The following ZNG1F variants were observed in gnomAD, a reference collection of about 807,000 sequenced individuals.
ZNG1F encodes the protein zinc-regulated GTPase metalloprotein activator 1F.
chr9:41,151,591 C>G, the ZNG1F span, among the ~76,000 whole-genome samples: 1 of 150,296 alleles, frequency 6.7e-6, no homozygotes, highest in South Asian at 2.1e-4. Flanking sequence ...ATGTTAAGGG[C>G]AGCCAGAGAG....
At chr9:41,156,073 A>G in the ZNG1F span, among the ~76,000 whole-genome samples, 3 of 125,036 alleles carry the variant, frequency 2.4e-5, no homozygotes, top group Non-Finnish European at 1.7e-5. Flanking sequence ...GCTAAGCTAA[A>G]ATTTTCTATG....
the ZNG1F span, among the ~76,000 whole-genome samples, chr9:41,180,048 T>TG: frequency 9.8e-6 from 1 of 101,998 alleles, no homozygotes; most frequent in Non-Finnish European, 1.9e-5. Context: ...GATTATGACT[T>TG]GCTGAAAGCT....
the ZNG1F span, among the ~76,000 whole-genome samples, chr9:41,154,656 G>C: frequency 1.1e-4 from 16 of 147,606 alleles, no homozygotes; most frequent in Non-Finnish European, 1.7e-4. Context: ...CCAAAACAGA[G>C]ATATAGATCA....
the ZNG1F span, among the ~76,000 whole-genome samples, chr9:41,144,788 T>TA: frequency 7.1e-6 from 1 of 140,800 alleles, no homozygotes; most frequent in South Asian, 2.4e-4. Flanking sequence ...CCTAGCATCT[T>TA]AGATATTTAC....
At chr9:41,152,559 GCAC>G in the ZNG1F span, among the ~76,000 whole-genome samples, 33 of 140,912 alleles carry the variant, frequency 2.3e-4, no homozygotes, top group Admixed American at 1.5e-3. Context: ...ATTCTTTTCA[GCAC>G]CACACCACAC....
chr9:41,196,724 A>G, the ZNG1F span, among the ~76,000 whole-genome samples: 250 of 82,024 alleles, frequency 3.0e-3, 3 homozygotes, highest in African/African-American at 8.2e-3. Flanking sequence ...ATATATATAT[A>G]TGTGTGTGTA....
chr9:41,154,871 T>C, the ZNG1F span, among the ~76,000 whole-genome samples: 3 of 149,700 alleles, frequency 2.0e-5, no homozygotes, highest in Non-Finnish European at 4.5e-5. Context: ...GATTAAAGAC[T>C]TAAATGTTAG....
the ZNG1F span, chr9:41,183,715 C>A: frequency 6.2e-7 from 1 of 1,603,752 alleles, no homozygotes; most frequent in Non-Finnish European, 8.5e-7. Flanking sequence ...TGTCCATTAG[C>A]CAACAAAAAA....
At chr9:41,141,201 C>A in the ZNG1F span, among the ~76,000 whole-genome samples, 1 of 151,644 alleles carries the variant, frequency 6.6e-6, no homozygotes, top group Non-Finnish European at 1.5e-5. Context: ...AAACTCTTTT[C>A]ATGTTAGAAA....
the ZNG1F span, among the ~76,000 whole-genome samples, chr9:41,144,403 C>T: frequency 8.8e-6 from 1 of 113,978 alleles, no homozygotes; most frequent in South Asian, 3.4e-4. Context: ...TTTTTTTTAC[C>T]ATAAATTCTA....
the ZNG1F span, chr9:41,183,774 A>G: frequency 6.4e-7 from 1 of 1,566,574 alleles, no homozygotes; most frequent in African/African-American, 1.4e-5. Flanking sequence ...AGAAACTTAT[A>G]TTTTATAACT....
chr9:41,193,986 A>G, the ZNG1F span, among the ~76,000 whole-genome samples: 1 of 145,860 alleles, frequency 6.9e-6, no homozygotes, highest in East Asian at 2.1e-4. Context: ...TTCCAATGGG[A>G]TTAGAGACCA....
At chr9:41,132,197 G>T in the ZNG1F span, 5 of 1,596,058 alleles carry the variant, frequency 3.1e-6, no homozygotes, top group African/African-American at 5.5e-5. Flanking sequence ...TTTTCACTTT[G>T]TTTCAAAACT....
At chr9:41,166,549 T>C in the ZNG1F span, among the ~76,000 whole-genome samples, 1 of 130,844 alleles carries the variant, frequency 7.6e-6, no homozygotes, top group Admixed American at 8.3e-5. Flanking sequence ...TTCCTCAAAA[T>C]TACAGAACTC....
chr9:41,152,446 G>T, the ZNG1F span, among the ~76,000 whole-genome samples: 125 of 146,176 alleles, frequency 8.6e-4, no homozygotes, highest in African/African-American at 3.0e-3. Context: ...AGATCAATGA[G>T]ACAGAAAGTC....
chr9:41,150,883 G>A, the ZNG1F span, among the ~76,000 whole-genome samples: 2 of 143,840 alleles, frequency 1.4e-5, no homozygotes, highest in Non-Finnish European at 3.0e-5. Flanking sequence ...AAAAAACAGA[G>A]CAGAAAAACG....
chr9:41,166,254 A>G, the ZNG1F span, among the ~76,000 whole-genome samples: 3 of 136,662 alleles, frequency 2.2e-5, no homozygotes, highest in African/African-American at 5.6e-5. Flanking sequence ...ATAAAATAAA[A>G]TAAATAAAAT....
At chr9:41,169,441 T>C in the ZNG1F span, among the ~76,000 whole-genome samples, 1 of 147,140 alleles carries the variant, frequency 6.8e-6, no homozygotes, top group Non-Finnish European at 1.5e-5. Context: ...ATGTCCAAAG[T>C]ATTCCTTATC....
the ZNG1F span, among the ~76,000 whole-genome samples, chr9:41,187,548 C>T: frequency 8.1e-5 from 12 of 148,512 alleles, 1 homozygote; most frequent in Non-Finnish European, 4.5e-5. Flanking sequence ...CCCATAGGGA[C>T]GCCACTGAAA....
Sources: gnomAD v4.1 joint callset for allele counts (sites outside exome capture counted in the v4.1 genomes callset) on GRCh38, gnomAD v4.1.1 for gene constraint, MANE v1.5 for transcripts, NCBI Gene and HGNC (gene_info 2026-07-23, HGNC 2026-07-21) for gene names.